THNSL1: variants seen among roughly 807,000 people sequenced by gnomAD.
THNSL1 encodes the protein threonine synthase-like 1.
Under a neutral mutation model 50.4 loss-of-function variants are expected in THNSL1, and 48 were observed. The observed-to-expected ratio is 0.95, with a 90% CI of 0.76 to 1.21. THNSL1 has a LOEUF of 1.21. Ranked by LOEUF, THNSL1 falls within the 50% of genes most tolerant of loss-of-function variation. THNSL1 has a pLI of 0.00. For missense variants in THNSL1, 896 were observed against 871.7 expected, an observed-to-expected ratio of 1.03 and a Z score of -0.35; for synonymous variants, 309 against 306.1, an observed-to-expected ratio of 1.01 and a Z score of -0.10.
the THNSL1 span, among the ~76,000 whole-genome samples, chr10:24,972,609 G>C: frequency 0.013 from 1,993 of 152,278 alleles, 58 homozygotes; most frequent in African/African-American, 0.046. Flanking sequence ...ACTGAGCAGA[G>C]TGGCAGAATT....
the THNSL1 span, among the ~76,000 whole-genome samples, chr10:24,969,877 C>T: frequency 2.6e-5 from 4 of 152,168 alleles, no homozygotes; most frequent in African/African-American, 9.7e-5. Context: ...TTTTGCATAG[C>T]AACATCCCAA....
At chr10:24,952,692 G>A in the THNSL1 span, 1 of 871,664 alleles carries the variant, frequency 1.1e-6, no homozygotes, top group Admixed American at 2.3e-5. This position sits in a 1 kb window ranked among gnomAD's most constrained non-coding sequence, Gnocchi z 5.1. Flanking sequence ...GGACGGGGAC[G>A]GGGACGGGTC....
chr10:25,005,146 G>C, the THNSL1 span, among the ~76,000 whole-genome samples: 1 of 152,136 alleles, frequency 6.6e-6, no homozygotes, highest in Admixed American at 6.6e-5. Context: ...GTACCATGCT[G>C]TTTTGGTTAC....
At chr10:24,992,478 G>C in the THNSL1 span, among the ~76,000 whole-genome samples, 5 of 152,194 alleles carry the variant, frequency 3.3e-5, no homozygotes, top group African/African-American at 1.2e-4. Flanking sequence ...CATAAAGTAA[G>C]ATGTAGCCAT....
chr10:25,009,801 T>C, the THNSL1 span, among the ~76,000 whole-genome samples: 2 of 152,094 alleles, frequency 1.3e-5, no homozygotes, highest in Non-Finnish European at 2.9e-5. Flanking sequence ...GGCGTTCCCC[T>C]GCACACACTC....
chr10:24,952,790 CG>C, the THNSL1 span, among the ~76,000 whole-genome samples: 1 of 151,434 alleles, frequency 6.6e-6, no homozygotes, highest in African/African-American at 2.4e-5. The surrounding 1 kb of genome is among the most constrained non-coding windows in gnomAD (Gnocchi z 5.1). Context: ...GGCTAGGCCG[CG>C]GGGGCGCGGG....
chr10:25,024,984 G>T lies in THNSL1; in HGVS notation c.1761G>T (p.Met587Ile). Residue 587 changes from methionine to isoleucine, a missense_variant, in exon 3 of 3, where the codon ATG becomes ATT. Coordinates refer to ENST00000376356, the MANE Select transcript of THNSL1 (RefSeq NM_024838.5). ...HLMANKDGQL[M>I]TELFNRLESQ... Reference sequence around the variant, plus strand: ...TGGCTAATAAAGATGGACAGCTAATGACAGAATTATTTAATCGATTAGAAA... The same window carrying T: ...TGGCTAATAAAGATGGACAGCTAATTACAGAATTATTTAATCGATTAGAAA... The T allele has an allele frequency of 6.2e-7, 1 of 1,614,166 alleles. No individual in the cohort carries two copies. Among genetic ancestry groups the T allele is most frequent in the South Asian group, 1.1e-5 (1 of 91,078 alleles).
chr10:25,001,893 C>A, the THNSL1 span, among the ~76,000 whole-genome samples: 7 of 152,238 alleles, frequency 4.6e-5, no homozygotes, highest in African/African-American at 1.7e-4. Flanking sequence ...TTTCCTGCTT[C>A]TTTGCATGCC....
chr10:24,996,962 A>G, the THNSL1 span, among the ~76,000 whole-genome samples: 1 of 152,218 alleles, frequency 6.6e-6, no homozygotes, highest in African/African-American at 2.4e-5. Context: ...TCCTTAGAAG[A>G]GGAAATTTGA....
At chr10:24,952,428 C>G in the THNSL1 span, 21 of 1,358,638 alleles carry the variant, frequency 1.5e-5, no homozygotes, top group Middle Eastern at 2.1e-4. The surrounding 1 kb of genome is among the most constrained non-coding windows in gnomAD (Gnocchi z 5.1). Context: ...AGCGGTGGCC[C>G]TCTCTCTCCC....
chr10:24,994,210 T>C, the THNSL1 span, among the ~76,000 whole-genome samples: 1 of 152,128 alleles, frequency 6.6e-6, no homozygotes, highest in African/African-American at 2.4e-5. Context: ...ATTTCTTTTC[T>C]TTTTTTCTTT....
chr10:24,991,500 G>A, the THNSL1 span, among the ~76,000 whole-genome samples: 10 of 151,930 alleles, frequency 6.6e-5, no homozygotes, highest in South Asian at 2.1e-4. Flanking sequence ...TGACAGGGGC[G>A]TGCCAACAAA....
chr10:24,990,691 A>G, the THNSL1 span: 1 of 1,339,834 alleles, frequency 7.5e-7, no homozygotes, highest in Non-Finnish European at 1.0e-6. Context: ...ATGATGGAAG[A>G]AAAAGAAATG....
the THNSL1 span, among the ~76,000 whole-genome samples, chr10:24,972,973 C>T: frequency 6.6e-6 from 1 of 152,058 alleles, no homozygotes; most frequent in African/African-American, 2.4e-5. Context: ...CTAAATTAAG[C>T]TTTAAATTAT....
chr10:24,994,776 C>A, the THNSL1 span, among the ~76,000 whole-genome samples: 1 of 152,066 alleles, frequency 6.6e-6, no homozygotes, highest in Non-Finnish European at 1.5e-5. Flanking sequence ...AATCCCAGCA[C>A]TTTGGGAGGC....
At chr10:25,015,916 A>T (rs757460349), upstream of THNSL1, 1 of 1,608,654 alleles carries the variant, frequency 6.2e-7, no homozygotes, top group African/African-American at 1.3e-5. Context: ...AAATGCACTC[A>T]GAAGAGCACG....
upstream of THNSL1, chr10:25,016,266 C>T (rs963190506): frequency 6.3e-6 from 5 of 790,632 alleles, no homozygotes; most frequent in African/African-American, 7.3e-5. Flanking sequence ...TAGAGAAGCT[C>T]ATTTGGAAGC....
chr10:24,990,760 T>TC, the THNSL1 span: 2 of 767,246 alleles, frequency 2.6e-6, no homozygotes, highest in East Asian at 2.9e-5. Context: ...GTGACTTTTT[T>TC]CCCTCCATTG....
chr10:24,966,816 T>C, the THNSL1 span, among the ~76,000 whole-genome samples: 4 of 152,192 alleles, frequency 2.6e-5, no homozygotes, highest in Non-Finnish European at 5.9e-5. Context: ...AAGAGGATGA[T>C]AATCATATCT....
Sources: allele counts gnomAD v4.1 joint callset (sites outside exome capture counted in the v4.1 genomes callset), GRCh38; gene constraint gnomAD v4.1.1; non-coding constraint Gnocchi (gnomAD v3.1); transcripts MANE v1.5; gene names NCBI Gene and HGNC (gene_info 2026-07-23, HGNC 2026-07-21).